The following AUTS2 variants were observed in gnomAD, a reference collection of about 807,000 sequenced individuals.
AUTS2 encodes the protein activator of transcription and developmental regulator AUTS2, also known as autism susceptibility gene 2 protein.
A neutral mutation model predicts 112.4 loss-of-function variants in AUTS2; 17 were observed. The ratio of observed to expected loss-of-function variants is 0.15; its 90% CI spans 0.10 to 0.23. AUTS2 has a LOEUF of 0.23. Ranked by LOEUF, AUTS2 falls within the 10% of genes least tolerant of loss-of-function variation. AUTS2 has a pLI of 1.00. For synonymous variants in AUTS2, 751 were observed against 702.7 expected (o/e 1.07, Z -1.09); for missense variants, 1,510 against 1,701.6 (o/e 0.89, Z 1.98).
chr7:69,762,452 A>G (rs1410161410), intron 1 of AUTS2, among the ~76,000 whole-genome samples: 1 of 151,744 alleles, frequency 6.6e-6, no homozygotes, highest in Admixed American at 6.6e-5. Flanking sequence ...GACCACAGGT[A>G]TGTGCCACCA....
Position 70,771,654 on chromosome 7 carries a change from C to T in AUTS2, c.1830+10C>T. On this transcript the variant is annotated intron_variant, in intron 11 of 18. Coordinates refer to ENST00000342771, the MANE Select transcript of AUTS2 (RefSeq NM_015570.4). ...AGCATTTCAGCCGAAGGTAAGAAAC[C>T]TCACAGTGAAAACACACAGGCATGT... 1.2e-6 allele frequency: 2 copies of T among 1,611,394 alleles called. No homozygotes were observed. Among genetic ancestry groups the T allele is most frequent in the African/African-American group, 1.3e-5 (1 of 74,996 alleles).
chr7:70,715,065 T>C (rs982393770), intron 6 of AUTS2, among the ~76,000 whole-genome samples: 24 of 152,228 alleles, frequency 1.6e-4, no homozygotes, highest in Non-Finnish European at 3.2e-4. Flanking sequence ...GCTGAAATTC[T>C]TCAGTACAAT....
At chr7:70,594,039 G>A (rs1803078755) in intron 5 of AUTS2, among the ~76,000 whole-genome samples, 1 of 152,220 alleles carries the variant, frequency 6.6e-6, no homozygotes, top group Non-Finnish European at 1.5e-5. Context: ...GCCCTCAAGT[G>A]TTGAGATGAC....
At chr7:69,976,411 G>T (rs1193101467) in intron 2 of AUTS2, among the ~76,000 whole-genome samples, 2 of 152,168 alleles carry the variant, frequency 1.3e-5, no homozygotes, top group African/African-American at 4.8e-5. Flanking sequence ...TTGGACATTT[G>T]AGTTGCTTCC....
intron 4 of AUTS2, among the ~76,000 whole-genome samples, chr7:70,322,052 T>C (rs945120450): frequency 2.0e-5 from 3 of 152,114 alleles, no homozygotes; most frequent in Admixed American, 6.5e-5. Flanking sequence ...GAGACAGAAT[T>C]CCTCTTTAGA....
intron 4 of AUTS2, among the ~76,000 whole-genome samples, chr7:70,274,379 A>C (rs1787832740): frequency 6.6e-6 from 1 of 151,990 alleles, no homozygotes; most frequent in Non-Finnish European, 1.5e-5. Context: ...ACTGCAGTCT[A>C]AACCTCCCTG....
At chr7:70,485,823 T>C (rs1306017582) in intron 5 of AUTS2, among the ~76,000 whole-genome samples, 2 of 152,030 alleles carry the variant, frequency 1.3e-5, no homozygotes, top group Non-Finnish European at 2.9e-5. Flanking sequence ...CCAGCGAGGG[T>C]GCTGGCACCT....
chr7:70,535,687 T>C lies in AUTS2; in HGVS notation c.690+99906T>C, dbSNP rs180839528. Among the ~76,000 whole-genome samples the C allele has an allele frequency of 4.9e-3, 743 of 152,306 alleles. 9 individuals carry two copies. The highest frequency in any genetic ancestry group is 0.017 in the African/African-American group (704 of 41,558). ...GCCTCAGCTTCCCAAAGTGCTGAGA[T>C]TACAGGCGTGAGCCACTGCGCCCAG... On this transcript the variant is annotated intron_variant, in intron 5 of 18. Coordinates refer to ENST00000342771, the MANE Select transcript of AUTS2 (RefSeq NM_015570.4).
chr7:70,297,315 T>C (rs1788987112), intron 4 of AUTS2, among the ~76,000 whole-genome samples: 1 of 152,102 alleles, frequency 6.6e-6, no homozygotes, highest in South Asian at 2.1e-4. Flanking sequence ...CGTAGTTAAC[T>C]GAGAACCGTC....
At position 70,443,955 on chromosome 7, in the gene AUTS2, G is replaced by A. The variant is rs568720931; in HGVS notation, c.690+8174G>A. 3.2e-4 allele frequency among the ~76,000 whole-genome samples: 49 copies of A among 152,292 alleles called. 1 individual carries two copies. Among genetic ancestry groups the A allele is most frequent in the African/African-American group, 1.2e-3 (48 of 41,570 alleles). On this transcript the variant is annotated intron_variant, in intron 5 of 18. Transcript: ENST00000342771. ...AATGACCATTACTTGATCTATAAAAGGAATTGTTCCAGAAACATCAAGGTT... is the reference window on the plus strand; with the variant it reads ...AATGACCATTACTTGATCTATAAAAAGAATTGTTCCAGAAACATCAAGGTT...
rs143147433 is a variant in AUTS2 at position 70,250,111 on chromosome 7, A to G, written c.660+115540A>G. ...AGAACCCCATTCCCTTCAAAGCAAG[A>G]CAACTTTGAATAGCTGTGAATCTTC... On this transcript the variant is annotated intron_variant, in intron 4 of 18. Transcript: ENST00000342771. Among the ~76,000 whole-genome samples the G allele has an allele frequency of 2.4e-3, 369 of 152,186 alleles. 1 individual carries two copies. Among genetic ancestry groups the G allele is most frequent in the African/African-American group, 8.1e-3 (338 of 41,532 alleles).
intron 1 of AUTS2, among the ~76,000 whole-genome samples, chr7:69,689,665 T>TTTAA (rs1797236295): frequency 2.2e-5 from 3 of 136,922 alleles, no homozygotes; most frequent in East Asian, 2.2e-4. Flanking sequence ...TATTTATTTA[T>TTTAA]TTATTTATTT....
At chr7:70,537,492 T>C (rs1800370716) in intron 5 of AUTS2, among the ~76,000 whole-genome samples, 1 of 152,240 alleles carries the variant, frequency 6.6e-6, no homozygotes, top group Admixed American at 6.5e-5. Context: ...CAAACTCTAT[T>C]AATGTTAAAC....
intron 5 of AUTS2, among the ~76,000 whole-genome samples, chr7:70,482,864 A>G (rs201720725): frequency 6.6e-6 from 1 of 151,442 alleles, no homozygotes; most frequent in Non-Finnish European, 1.5e-5. Context: ...TCATATATAT[A>G]TGTGTACACA....
intron 1 of AUTS2, among the ~76,000 whole-genome samples, chr7:69,838,969 C>T (rs939443472): frequency 1.1e-4 from 17 of 152,148 alleles, no homozygotes; most frequent in African/African-American, 3.4e-4. Flanking sequence ...AAATCCTAAC[C>T]GGCAACAGAT....
At chr7:69,986,496 C>T (rs1030613987) in intron 2 of AUTS2, among the ~76,000 whole-genome samples, 15 of 152,182 alleles carry the variant, frequency 9.9e-5, no homozygotes, top group African/African-American at 3.1e-4. Context: ...TAATTTTTCT[C>T]GTTATGGTTG....
At chr7:70,578,130 T>A (rs897670188) in intron 5 of AUTS2, among the ~76,000 whole-genome samples, 1 of 152,172 alleles carries the variant, frequency 6.6e-6, no homozygotes, top group African/African-American at 2.4e-5. Context: ...GCACCTGGCC[T>A]TTTGTCCATA....
chr7:70,629,296 C>T (rs1228465506), intron 5 of AUTS2, among the ~76,000 whole-genome samples: 4 of 152,052 alleles, frequency 2.6e-5, no homozygotes, highest in Non-Finnish European at 5.9e-5. Flanking sequence ...CAGGGTGAAA[C>T]CTCGTCTCTA....
chr7:70,167,334 T>C (rs1343581552), intron 4 of AUTS2, among the ~76,000 whole-genome samples: 1 of 152,070 alleles, frequency 6.6e-6, no homozygotes, highest in East Asian at 1.9e-4. Flanking sequence ...CACAATATAG[T>C]GATAAAGGGA....
Sources: gnomAD v4.1 joint callset for allele counts (sites outside exome capture counted in the v4.1 genomes callset) on GRCh38, gnomAD v4.1.1 for gene constraint, MANE v1.5 for transcripts, NCBI Gene and HGNC (gene_info 2026-07-23, HGNC 2026-07-21) for gene names.